Variants in SLC24A3 observed in about 807,000 individuals in gnomAD.
SLC24A3 encodes solute carrier family 24 member 3, also known as sodium/potassium/calcium exchanger 3.
Under a neutral mutation model 75.8 loss-of-function variants are expected in SLC24A3, and 28 were observed. The observed-to-expected ratio is 0.37, with a 90% CI of 0.27 to 0.51. The LOEUF (loss-of-function observed/expected upper bound fraction) is 0.51, where lower values mean the gene tolerates loss of function less well. Ranked by LOEUF, SLC24A3 falls within the 20% of genes least tolerant of loss-of-function variation. SLC24A3 has a pLI of 0.94. For synonymous variants in SLC24A3, 372 were observed against 334.1 expected, an observed-to-expected ratio of 1.11 and a Z score of -1.24; for missense variants, 663 against 847.8, an observed-to-expected ratio of 0.78 and a Z score of 2.71.
At position 19,267,263 on chromosome 20, in the gene SLC24A3, T is replaced by C. The variant is rs191934772; in HGVS notation, c.143-13696T>C. On this transcript the variant is annotated intron_variant, in intron 1 of 16. Transcript: ENST00000328041. ...GCTTATTTTAATTTAAGGTTGTTTA[T>C]TTTAAGTTTGAAGTTTAATGGCTGT... Among the ~76,000 whole-genome samples the C allele has an allele frequency of 1.0e-3, 158 of 152,322 alleles. 1 individual carries two copies. Among genetic ancestry groups the C allele is most frequent in the African/African-American group, 3.7e-3 (153 of 41,578 alleles).
chr20:19,627,731 G>T (rs990393483), intron 6 of SLC24A3, among the ~76,000 whole-genome samples: 2 of 152,210 alleles, frequency 1.3e-5, no homozygotes, highest in Admixed American at 6.5e-5. Flanking sequence ...GCCCACCCTT[G>T]AGAAGAATGT....
chr20:19,696,545 G>A (rs890474934), intron 13 of SLC24A3: 18 of 399,770 alleles, frequency 4.5e-5, no homozygotes, highest in East Asian at 1.8e-4. Context: ...CCGCCTCACC[G>A]GAAGAGAACA....
At chr20:19,296,398 G>T (rs111445812) in intron 2 of SLC24A3, among the ~76,000 whole-genome samples, 6 of 150,634 alleles carry the variant, frequency 4.0e-5, no homozygotes, top group African/African-American at 1.5e-4. Flanking sequence ...TAGCTTTGGG[G>T]TTTGTTTGCT....
At chr20:19,254,166 TG>T (rs1294812589) in intron 1 of SLC24A3, among the ~76,000 whole-genome samples, 1 of 152,216 alleles carries the variant, frequency 6.6e-6, no homozygotes, top group Non-Finnish European at 1.5e-5. Context: ...CTGTAGCCTC[TG>T]GGCTGTGCCA....
chr20:19,711,027 C>T (rs933177994), intron 15 of SLC24A3, among the ~76,000 whole-genome samples: 2 of 15,320 alleles, frequency 1.3e-4, no homozygotes, highest in African/African-American at 2.8e-4. Context: ...TCCCAGTATG[C>T]ACATGCAGTC....
chr20:19,278,389 C>T (rs978657748), intron 1 of SLC24A3, among the ~76,000 whole-genome samples: 1 of 152,188 alleles, frequency 6.6e-6, no homozygotes, highest in East Asian at 1.9e-4. Flanking sequence ...CTTAGGATCA[C>T]CTCCCGTATA....
intron 1 of SLC24A3, among the ~76,000 whole-genome samples, chr20:19,252,647 G>GGGC (rs1555783974): frequency 6.8e-6 from 1 of 148,088 alleles, no homozygotes; most frequent in Non-Finnish European, 1.5e-5. Context: ...GAATGGCGGG[G>GGGC]GGGGGTGCCT....
intron 6 of SLC24A3, among the ~76,000 whole-genome samples, chr20:19,635,271 ATGTGGT>A (rs2031986202): frequency 6.6e-6 from 1 of 152,230 alleles, no homozygotes; most frequent in Non-Finnish European, 1.5e-5. Flanking sequence ...CAGAAATAAG[ATGTGGT>A]TGTATTGATC....
chr20:19,670,642 C>T (rs193184428), intron 8 of SLC24A3, among the ~76,000 whole-genome samples: 68 of 152,336 alleles, frequency 4.5e-4, no homozygotes, highest in African/African-American at 1.4e-3. Context: ...TAAGCAATAA[C>T]GTGACATCCC....
rs1569767 is a variant in SLC24A3 at position 19,280,979 on chromosome 20, G to A, written c.163G>A (p.Val55Ile). 690,515 of 1,613,002 alleles carry A rather than the reference G, an allele frequency of 0.43. 150,187 individuals are homozygous for A. The highest frequency in any genetic ancestry group is 0.55 in the Middle Eastern group (3,303 of 6,058). Residue 55 changes from valine to isoleucine, a missense_variant, in exon 2 of 17, where the codon GTA (valine) becomes ATA (isoleucine). Val to Ile is a conservative substitution (Grantham distance 29). Transcript: ENST00000328041. ...EQKELDLMDL[V>I]GEDRKWMMAR... ...CCCAGAGCTTGACCTCATGGACCTC[G>A]TAGGGGAAGACAGAAAGTGGATGAT...
chr20:19,637,880 AATAATT>A (rs1448360396), intron 6 of SLC24A3, among the ~76,000 whole-genome samples: 3 of 152,354 alleles, frequency 2.0e-5, no homozygotes, highest in African/African-American at 4.8e-5. Flanking sequence ...TAGTAGTCCT[AATAATT>A]ATAACTATCA....
At chr20:19,334,407 A>AGCATATACTTTT in intron 2 of SLC24A3, among the ~76,000 whole-genome samples, 1 of 151,600 alleles carries the variant, frequency 6.6e-6, no homozygotes, top group Non-Finnish European at 1.5e-5. Flanking sequence ...AGCATACAAA[A>AGCATATACTTTT]GTATATGAAG....
intron 1 of SLC24A3, among the ~76,000 whole-genome samples, chr20:19,254,812 G>A (rs987641978): frequency 3.9e-5 from 6 of 152,152 alleles, no homozygotes; most frequent in African/African-American, 1.2e-4. Context: ...AGGGCAGCAT[G>A]GTGGTCAGGA....
intron 2 of SLC24A3, among the ~76,000 whole-genome samples, chr20:19,410,481 G>A (rs7268970): frequency 2.0e-5 from 3 of 152,148 alleles, no homozygotes; most frequent in Admixed American, 1.3e-4. Context: ...CAAGGAAGGT[G>A]GTCAGAGAAA....
intron 6 of SLC24A3, among the ~76,000 whole-genome samples, chr20:19,618,049 G>A (rs537432595): frequency 3.3e-5 from 5 of 151,436 alleles, no homozygotes; most frequent in Admixed American, 2.0e-4. Flanking sequence ...GCATTTCCAC[G>A]GAGCATCTAC....
Position 19,649,636 on chromosome 20 carries a change from C to T in SLC24A3, c.613-4426C>T, listed in dbSNP as rs574686013. ...TTGTCTCTCAGCCTTCAACTATTCTCTTTTTTGGCTACAATTTCTATTATA... is the reference window on the plus strand; with the variant it reads ...TTGTCTCTCAGCCTTCAACTATTCTTTTTTTTGGCTACAATTTCTATTATA... On this transcript the variant is annotated intron_variant, in intron 6 of 16. Coordinates refer to ENST00000328041, the MANE Select transcript of SLC24A3 (RefSeq NM_020689.4). Among the ~76,000 whole-genome samples the T allele has an allele frequency of 1.8e-3, 281 of 152,148 alleles. 1 individual carries two copies. The highest frequency in any genetic ancestry group is 6.2e-3 in the African/African-American group (257 of 41,536).
At chr20:19,537,884 G>C (rs1309352039) in intron 3 of SLC24A3, among the ~76,000 whole-genome samples, 1 of 140,604 alleles carries the variant, frequency 7.1e-6, no homozygotes, top group African/African-American at 2.6e-5. Context: ...GTTGTGGGGT[G>C]GGGGGAGGGG....
At chr20:19,671,686 G>A (rs1336613346) in intron 8 of SLC24A3, among the ~76,000 whole-genome samples, 3 of 151,748 alleles carry the variant, frequency 2.0e-5, no homozygotes, top group Non-Finnish European at 4.4e-5. Context: ...AAGGAGGCTA[G>A]GAAATAAGAA....
chr20:19,488,300 G>A (rs1173652947), intron 2 of SLC24A3, among the ~76,000 whole-genome samples: 7 of 152,164 alleles, frequency 4.6e-5, no homozygotes, highest in South Asian at 2.1e-4. Flanking sequence ...TTGCCTCTGC[G>A]CACATCAGGA....
Sources: gnomAD v4.1 joint callset for allele counts (sites outside exome capture counted in the v4.1 genomes callset) on GRCh38, gnomAD v4.1.1 for gene constraint, MANE v1.5 for transcripts, NCBI Gene and HGNC (gene_info 2026-07-23, HGNC 2026-07-21) for gene names.